The following CNTN3 variants were observed in gnomAD, a reference collection of about 807,000 sequenced individuals.
The protein encoded by CNTN3 is contactin-3.
Under a neutral mutation model 119.1 loss-of-function variants are expected in CNTN3, and 60 were observed. The ratio of observed to expected loss-of-function variants is 0.50; its 90% CI spans 0.41 to 0.62. CNTN3 has a LOEUF of 0.62. Among genes scored for constraint, CNTN3 ranks in the 20% least tolerant of loss-of-function variants. The pLI is 0.00. For missense variants in CNTN3, 1,101 were observed against 1,242.4 expected (o/e 0.89, Z 1.71); for synonymous variants, 450 against 438.7 (o/e 1.03, Z -0.32).
At chr3:74,437,664 A>T (rs924643926) in intron 4 of CNTN3, among the ~76,000 whole-genome samples, 6 of 152,086 alleles carry the variant, frequency 3.9e-5, no homozygotes, top group Non-Finnish European at 7.4e-5. Flanking sequence ...TTCTTAAAAG[A>T]GTTTCTTATA....
At chr3:74,396,512 C>T (rs559378899) in intron 5 of CNTN3, among the ~76,000 whole-genome samples, 10 of 152,082 alleles carry the variant, frequency 6.6e-5, no homozygotes, top group Non-Finnish European at 1.0e-4. Flanking sequence ...TTTGGGAGGC[C>T]GAGGCGGGTG....
chr3:74,443,027 C>G (rs188288317), intron 4 of CNTN3, among the ~76,000 whole-genome samples: 103 of 152,286 alleles, frequency 6.8e-4, no homozygotes, highest in Non-Finnish European at 1.1e-3. Context: ...TTCAGTTCCC[C>G]TGGATTCTAT....
intron 1 of CNTN3, among the ~76,000 whole-genome samples, chr3:74,577,174 G>A (rs886218690): frequency 1.3e-5 from 2 of 152,160 alleles, no homozygotes; most frequent in African/African-American, 4.8e-5. Flanking sequence ...GCCATTCAGG[G>A]AGCCATGCCA....
intron 4 of CNTN3, among the ~76,000 whole-genome samples, chr3:74,442,941 C>A (rs1039538957): frequency 6.6e-6 from 1 of 152,200 alleles, no homozygotes; most frequent in African/African-American, 2.4e-5. Context: ...GGCTCCACAG[C>A]CCATGTCCTT....
chr3:74,374,470 T>C (rs1348880570), intron 5 of CNTN3, among the ~76,000 whole-genome samples: 1 of 152,086 alleles, frequency 6.6e-6, no homozygotes, highest in Non-Finnish European at 1.5e-5. Flanking sequence ...TTTCATTGAC[T>C]TCCTTTCCTA....
chr3:74,336,741 T>C (rs1703404933), intron 11 of CNTN3, 83 bp from the exon 12 acceptor site: 2 of 1,164,334 alleles, frequency 1.7e-6, no homozygotes, highest in African/African-American at 3.1e-5. Flanking sequence ...ACAGAACATG[T>C]TGCCTTAAGC....
At chr3:74,404,962 C>G (rs1470631539) in intron 5 of CNTN3, among the ~76,000 whole-genome samples, 1 of 151,810 alleles carries the variant, frequency 6.6e-6, no homozygotes, top group African/African-American at 2.4e-5. Context: ...TTTTCCCCTA[C>G]TCTAAAAAAA....
intron 5 of CNTN3, among the ~76,000 whole-genome samples, chr3:74,424,256 C>T (rs953897914): frequency 1.4e-4 from 21 of 152,154 alleles, no homozygotes; most frequent in South Asian, 4.1e-4. Context: ...TTCATTTTTA[C>T]TCTGGGTCAC....
intron 5 of CNTN3, among the ~76,000 whole-genome samples, chr3:74,380,278 G>A (rs538130087): frequency 6.6e-6 from 1 of 152,354 alleles, no homozygotes; most frequent in East Asian, 1.9e-4. Context: ...CTGAAAGAAA[G>A]TGCTTTGTAA....
rs567975570 is a variant in CNTN3 at position 74,333,094 on chromosome 3, G to A, written c.1668+1641C>T. Among the ~76,000 whole-genome samples, 103 of 152,314 alleles carry A rather than the reference G, an allele frequency of 6.8e-4. 1 individual carries two copies. Among genetic ancestry groups the A allele is most frequent in the African/African-American group, 2.4e-3 (99 of 41,556 alleles). ...AAGCTAAAAGATTTTAGCAATTGGT[G>A]AAGTTCTCAAAGGCTGTGAATCAGT... On this transcript the variant is annotated intron_variant, in intron 13 of 22. Transcript: ENST00000263665.
chr3:74,609,508 T>C (rs1048316650), intron 1 of CNTN3, among the ~76,000 whole-genome samples: 2 of 152,062 alleles, frequency 1.3e-5, no homozygotes, highest in Admixed American at 1.3e-4. Context: ...ACCCCAATGA[T>C]AGCTAAAGGA....
intron 3 of CNTN3, among the ~76,000 whole-genome samples, chr3:74,489,425 CCCTT>C (rs1289739398): frequency 2.0e-5 from 3 of 149,552 alleles, no homozygotes; most frequent in African/African-American, 4.9e-5. Flanking sequence ...CTCCCTCCCT[CCCTT>C]CTTTCTTTTC....
chr3:74,469,376 C>T (rs1702519450), intron 4 of CNTN3, among the ~76,000 whole-genome samples: 2 of 152,132 alleles, frequency 1.3e-5, no homozygotes, highest in African/African-American at 4.8e-5. Flanking sequence ...TTCCTAACAA[C>T]TGACTCCAGA....
Position 74,334,734 on chromosome 3 carries a change from C to T in CNTN3, c.1668+1G>A. On this transcript the variant is annotated splice_donor_variant, in intron 13 of 22. Coordinates refer to ENST00000263665, the MANE Select transcript of CNTN3 (RefSeq NM_020872.3). LOFTEE classifies it high-confidence loss of function. Reference sequence around the variant, plus strand: ...AGTATGAGGAAAGTGCCACAACTTACCCCACCAACTTTCTCAAAGTGAGAT... The same window carrying T: ...AGTATGAGGAAAGTGCCACAACTTATCCCACCAACTTTCTCAAAGTGAGAT... 6.2e-7 allele frequency: 1 copy of T among 1,612,390 alleles called. No individual in the cohort carries two copies. The highest frequency in any genetic ancestry group is 1.1e-5 in the South Asian group (1 of 90,840).
At chr3:74,397,046 C>A (rs1705074650) in intron 5 of CNTN3, among the ~76,000 whole-genome samples, 2 of 152,104 alleles carry the variant, frequency 1.3e-5, no homozygotes, top group South Asian at 2.1e-4. Context: ...AGAAATCAAG[C>A]CAGGCTTCAA....
chr3:74,502,403 A>G (rs1174015174), intron 2 of CNTN3, among the ~76,000 whole-genome samples: 2 of 152,140 alleles, frequency 1.3e-5, no homozygotes, highest in Non-Finnish European at 2.9e-5. Flanking sequence ...TGGCTTCTCC[A>G]GAGGTCACTA....
intron 4 of CNTN3, among the ~76,000 whole-genome samples, chr3:74,437,233 C>T (rs533706083): frequency 3.3e-5 from 5 of 152,096 alleles, no homozygotes; most frequent in South Asian, 4.2e-4. Flanking sequence ...CCAAGGTGGG[C>T]GGATCACGAG....
At chr3:74,607,223 C>G (rs1705008224) in intron 1 of CNTN3, among the ~76,000 whole-genome samples, 1 of 152,146 alleles carries the variant, frequency 6.6e-6, no homozygotes, top group South Asian at 2.1e-4. Flanking sequence ...TATTCCAGAG[C>G]TTTCAGAATA....
rs1043983989 is a variant in CNTN3, at chr3:74,452,710, G to T, written c.359-27770C>A. ...GTCCCATCAATACCTAATTTATTGA[G>T]AGTTTTTAGCATGAAGAGTTGTTGA... On this transcript the variant is annotated intron_variant, in intron 4 of 22. Transcript: ENST00000263665. Among the ~76,000 whole-genome samples, 12 of 138,436 alleles carry T rather than the reference G, an allele frequency of 8.7e-5. 1 individual carries two copies. Among genetic ancestry groups the T allele is most frequent in the African/African-American group, 3.3e-4 (12 of 36,622 alleles). The allele number at this position is 138,436 out of a possible 152,430, so 90.8% of individuals were successfully genotyped here.
Sources: allele counts gnomAD v4.1 joint callset (sites outside exome capture counted in the v4.1 genomes callset), GRCh38; gene constraint gnomAD v4.1.1; transcripts MANE v1.5; gene names NCBI Gene and HGNC (gene_info 2026-07-23, HGNC 2026-07-21).